Variants in MORC1 observed in about 807,000 individuals in gnomAD.
MORC1 encodes MORC family CW-type zinc finger 1.
A neutral mutation model predicts 134.9 loss-of-function variants in MORC1; 59 were observed. That is an observed-to-expected ratio of 0.44 (90% CI 0.35 to 0.54). The LOEUF (loss-of-function observed/expected upper bound fraction) is 0.54, where lower values mean the gene tolerates loss of function less well. MORC1 is among the 20% of genes least tolerant of loss of function. The pLI is 0.00. For missense variants in MORC1, 947 were observed against 1,134.5 expected (o/e 0.83, Z 2.37); for synonymous variants, 395 against 391.7 (o/e 1.01, Z -0.10).
intron 14 of MORC1, among the ~76,000 whole-genome samples, chr3:109,036,291 T>C (rs1949378754): frequency 6.6e-6 from 1 of 152,044 alleles, no homozygotes; most frequent in South Asian, 2.1e-4. Flanking sequence ...TATATATATA[T>C]CAAAGAGTAT....
At chr3:109,023,861 G>C (rs1328065512) in intron 17 of MORC1, among the ~76,000 whole-genome samples, 1 of 152,216 alleles carries the variant, frequency 6.6e-6, no homozygotes, top group African/African-American at 2.4e-5. Context: ...CACTTGGCCA[G>C]CAGGTGGCAC....
rs892600726 is a variant in MORC1 at position 109,000,568 on chromosome 3, C to A, written c.2176G>T (p.Asp726Tyr). The A allele has an allele frequency of 6.2e-7, 1 of 1,605,330 alleles. No homozygotes were observed. Among genetic ancestry groups the A allele is most frequent in the African/African-American group, 1.3e-5 (1 of 74,660 alleles). Residue 726 changes from aspartate (D) to tyrosine (Y), a missense_variant, in exon 21 of 28, where the codon GAT becomes TAT. Asp to Tyr is a radical substitution (Grantham distance 160). Transcript: ENST00000232603. ...ATAGTTTATCTCACCAGGATTATAT[C>A]TGAATCACTCGTGTTCTCATCTTCA... Reference protein sequence around the residue: ...LTEDENTSDSDIILVSDKSNT... With the variant: ...LTEDENTSDSYIILVSDKSNT...
intron 21 of MORC1, among the ~76,000 whole-genome samples, chr3:108,987,158 C>T (rs565856281): frequency 2.0e-5 from 3 of 152,254 alleles, no homozygotes; most frequent in Admixed American, 6.5e-5. Context: ...TTATCATAGT[C>T]ATGTTTACTC....
intron 26 of MORC1, among the ~76,000 whole-genome samples, chr3:108,967,031 C>T (rs1947239927): frequency 6.6e-6 from 1 of 152,176 alleles, no homozygotes; most frequent in Admixed American, 6.5e-5. Flanking sequence ...TTTGATGTGG[C>T]TCTCTTTATT....
intron 12 of MORC1, among the ~76,000 whole-genome samples, chr3:109,058,896 T>C (rs965239241): frequency 2.6e-5 from 4 of 152,056 alleles, no homozygotes; most frequent in African/African-American, 7.2e-5. Context: ...GAAGTGTTGA[T>C]TGGTCACTTT....
intron 21 of MORC1, among the ~76,000 whole-genome samples, chr3:108,989,292 T>C (rs555503622): frequency 3.3e-5 from 5 of 152,212 alleles, no homozygotes; most frequent in African/African-American, 1.2e-4. Context: ...CTGGAGGAAA[T>C]CTCTTGCCTG....
intron 8 of MORC1, among the ~76,000 whole-genome samples, chr3:109,083,266 C>T (rs139563756): frequency 1.2e-4 from 18 of 147,486 alleles, no homozygotes; most frequent in African/African-American, 4.5e-4. Context: ...ACAAGAAATG[C>T]TAAAAGTATT....
intron 24 of MORC1, among the ~76,000 whole-genome samples, chr3:108,972,322 T>G (rs1947406536): frequency 6.6e-6 from 1 of 152,228 alleles, no homozygotes; most frequent in African/African-American, 2.4e-5. Flanking sequence ...AAGAGCCTCA[T>G]GTATATTATC....
chr3:108,984,676 T>A (rs183063404), intron 23 of MORC1, 40 bp downstream of exon 23: 1 of 1,368,496 alleles, frequency 7.3e-7, no homozygotes, highest in Admixed American at 2.1e-5. Flanking sequence ...AGCAGGATAA[T>A]TGCACTCACT....
intron 16 of MORC1, among the ~76,000 whole-genome samples, chr3:109,029,965 A>G (rs1002145540): frequency 2.0e-5 from 3 of 152,180 alleles, no homozygotes; most frequent in Non-Finnish European, 1.5e-5. Flanking sequence ...TCTCTGAGAA[A>G]TGGGGAAAGT....
intron 26 of MORC1, among the ~76,000 whole-genome samples, chr3:108,967,136 T>G (rs560680179): frequency 6.6e-6 from 1 of 152,316 alleles, no homozygotes; most frequent in Admixed American, 6.5e-5. Context: ...TATCTCGCTT[T>G]GATTTTTTAA....
chr3:109,057,013 A>T (rs1949977487), intron 13 of MORC1, among the ~76,000 whole-genome samples: 2 of 152,222 alleles, frequency 1.3e-5, no homozygotes, highest in African/African-American at 4.8e-5. Flanking sequence ...CTCTTCTAAA[A>T]TGTATTTAAT....
intron 24 of MORC1, among the ~76,000 whole-genome samples, chr3:108,978,359 T>C (rs1255688878): frequency 6.6e-6 from 1 of 152,182 alleles, no homozygotes. Context: ...TCTGGATCCC[T>C]AGTGTCAGTA....
In MORC1 at chr3:109,070,356, A is replaced by G. The variant is rs1018815042; in HGVS notation, c.690-599T>C. 2.0e-5 allele frequency among the ~76,000 whole-genome samples: 3 copies of G among 152,240 alleles called. No homozygotes were observed. The East Asian group carries it at 5.8e-4, about 29-fold the overall frequency. On this transcript the variant is annotated intron_variant, in intron 8 of 27. Coordinates refer to ENST00000232603, the MANE Select transcript of MORC1 (RefSeq NM_014429.4). The stretch of plus-strand genomic sequence containing the variant: ...GAGAAAAATAAAGAATCGGAAGGCA[A>G]TAAAACGGAAGCAAAACCAACATAA...
chr3:109,005,095 T>C lies in MORC1; in HGVS notation c.1988A>G (p.Asn663Ser), dbSNP rs375060364. The C allele has an allele frequency of 6.2e-7, 1 of 1,611,564 alleles. No individual in the cohort carries two copies. Among genetic ancestry groups the C allele is most frequent in the Admixed American group, 1.7e-5 (1 of 59,566 alleles). Residue 663 changes from asparagine (N) to serine (S), a missense_variant, in exon 19 of 28, where the codon AAT becomes AGT. Asn to Ser is a conservative substitution (Grantham distance 46, BLOSUM62 1). Transcript: ENST00000232603. The part of the protein sequence containing the change: ...QQRIPVALPE[N>S]VKLAERSQRS... Reference sequence around the variant, plus strand: ...CTGGGATCTCTCAGCTAGTTTGACATTTTCTGGCAGAGCTACTGGAATTCT... The same window carrying C: ...CTGGGATCTCTCAGCTAGTTTGACACTTTCTGGCAGAGCTACTGGAATTCT...
chr3:109,061,242 C>T (rs1950075329), intron 11 of MORC1, among the ~76,000 whole-genome samples: 1 of 152,156 alleles, frequency 6.6e-6, no homozygotes, highest in African/African-American at 2.4e-5. Flanking sequence ...TCCTACTTAT[C>T]CCTTTGTATG....
intron 1 of MORC1, among the ~76,000 whole-genome samples, chr3:109,116,199 G>A (rs926231428): frequency 3.3e-5 from 5 of 152,130 alleles, no homozygotes; most frequent in African/African-American, 1.2e-4. Context: ...GAAAAGGGGC[G>A]TAAGTTGGTT....
At chr3:109,037,619 T>C (rs2107622874) in intron 14 of MORC1, among the ~76,000 whole-genome samples, 1 of 151,624 alleles carries the variant, frequency 6.6e-6, no homozygotes, top group East Asian at 2.0e-4. Flanking sequence ...CAGGCCCTGG[T>C]GTGTTATGTT....
rs560119915 is a variant in MORC1, at chr3:109,001,530, G to C, written c.2086-872C>G. On this transcript the variant is annotated intron_variant, in intron 20 of 27. Transcript: ENST00000232603. ...TTTTAGGCCTTTGGCCAGTTGAGTT[G>C]GCTTCTCAACAGAATTTAGCCTTCG... Among the ~76,000 whole-genome samples, 3 of 152,246 alleles carry C rather than the reference G, an allele frequency of 2.0e-5. No individual in the cohort carries two copies. The East Asian group carries it at 5.8e-4, about 29-fold the overall frequency.
Sources: gnomAD v4.1 joint callset for allele counts (sites outside exome capture counted in the v4.1 genomes callset) on GRCh38, gnomAD v4.1.1 for gene constraint, MANE v1.5 for transcripts, NCBI Gene and HGNC (gene_info 2026-07-23, HGNC 2026-07-21) for gene names.